USP15: variants seen among roughly 807,000 people sequenced by gnomAD.
The protein encoded by USP15 is ubiquitin specific peptidase 15, also known as ubiquitin carboxyl-terminal hydrolase 15.
In USP15, 18 loss-of-function variants were observed where a neutral mutation model predicts 127.1. The observed-to-expected ratio is 0.14, with a 90% CI of 0.10 to 0.21. The LOEUF (loss-of-function observed/expected upper bound fraction) is 0.21, where lower values mean the gene tolerates loss of function less well. USP15 is among the 10% of genes least tolerant of loss of function. The pLI is 1.00. For missense variants in USP15, 805 were observed against 1,159.9 expected (o/e 0.69, Z 4.44); for synonymous variants, 364 against 393.7 (o/e 0.92, Z 0.89).
chr12:62,358,582 G>C (rs571289324), intron 8 of USP15, among the ~76,000 whole-genome samples: 12 of 152,202 alleles, frequency 7.9e-5, no homozygotes, highest in Admixed American at 2.6e-4. Context: ...CGGGCATGAT[G>C]GTGGACACCT....
rs557501075 is a variant in USP15, at chr12:62,364,959, G to A, written c.915+9484G>A. Among the ~76,000 whole-genome samples the A allele has an allele frequency of 5.3e-5, 8 of 152,248 alleles. No homozygotes were observed. In the South Asian group the frequency reaches 1.7e-3, roughly 32 times the overall value. On this transcript the variant is annotated intron_variant, in intron 8 of 21. Coordinates refer to ENST00000280377, the MANE Select transcript of USP15 (RefSeq NM_001252078.2). ...ACTTTTTTTTATGCAGTCTGTCATT[G>A]ATGGACATTTGGGTTGGTTCCAAGA...
chr12:62,380,877 A>G (rs939453504), intron 8 of USP15, among the ~76,000 whole-genome samples: 1 of 152,066 alleles, frequency 6.6e-6, no homozygotes, highest in African/African-American at 2.4e-5. Flanking sequence ...TTATTTTGCC[A>G]TAAAGGAAAA....
chr12:62,329,870 A>G (rs954155928), intron 6 of USP15, among the ~76,000 whole-genome samples: 4 of 152,192 alleles, frequency 2.6e-5, no homozygotes, highest in African/African-American at 7.2e-5. Flanking sequence ...ACCAGTCAAT[A>G]ATTAAATCAG....
intron 1 of USP15, among the ~76,000 whole-genome samples, chr12:62,275,948 G>T (rs1454301692): frequency 6.6e-6 from 1 of 151,910 alleles, no homozygotes; most frequent in African/African-American, 2.4e-5. Flanking sequence ...TGGACATGGT[G>T]GAAGATTACA....
rs139285276 is a variant in USP15, at chr12:62,284,098, T to C, written c.90-10081T>C. On this transcript the variant is annotated intron_variant, in intron 1 of 21. Coordinates refer to ENST00000280377, the MANE Select transcript of USP15 (RefSeq NM_001252078.2). ...ATTTTTATTGGAAAAACATATAAAA[T>C]TTATTGAAAGACATTAACCTGAATA... Among the ~76,000 whole-genome samples, 570 of 152,306 alleles carry C rather than the reference T, an allele frequency of 3.7e-3. 5 individuals carry two copies. The highest frequency in any genetic ancestry group is 0.013 in the African/African-American group (536 of 41,574).
chr12:62,397,808 G>T (rs2137651314), intron 20 of USP15, among the ~76,000 whole-genome samples: 1 of 148,332 alleles, frequency 6.7e-6, no homozygotes, highest in South Asian at 2.1e-4. Context: ...AGAGAGCCCA[G>T]ATCACACCAC....
intron 1 of USP15, among the ~76,000 whole-genome samples, chr12:62,275,036 G>A (rs936960114): frequency 1.3e-5 from 2 of 152,098 alleles, no homozygotes; most frequent in Admixed American, 1.3e-4. Flanking sequence ...TATTCTGGAG[G>A]TGCTTGGTTA....
intron 1 of USP15, among the ~76,000 whole-genome samples, chr12:62,261,157 C>G (rs1462098128): frequency 6.6e-6 from 1 of 152,102 alleles, no homozygotes; most frequent in African/African-American, 2.4e-5. Flanking sequence ...AAGCCGGCAG[C>G]GTTTCTGTTA....
At chr12:62,341,804 C>G (rs1380833549) in intron 6 of USP15, among the ~76,000 whole-genome samples, 1 of 152,144 alleles carries the variant, frequency 6.6e-6, no homozygotes, top group Non-Finnish European at 1.5e-5. Context: ...CTCTGGCTGC[C>G]CTTAACGTTG....
chr12:62,349,170 T>A, intron 6 of USP15, 51 bp from the exon 7 acceptor site: 1 of 1,112,622 alleles, frequency 9.0e-7, no homozygotes, highest in Non-Finnish European at 1.2e-6. Context: ...CATAATTAAT[T>A]TAAAAATTCT....
At chr12:62,337,873 G>C (rs2065521126) in intron 6 of USP15, among the ~76,000 whole-genome samples, 1 of 152,128 alleles carries the variant, frequency 6.6e-6, no homozygotes, top group South Asian at 2.1e-4. Flanking sequence ...TCTTTATCCA[G>C]TCTATCAGGA....
intron 7 of USP15, among the ~76,000 whole-genome samples, chr12:62,352,607 C>G (rs935848152): frequency 2.0e-5 from 3 of 151,734 alleles, no homozygotes; most frequent in African/African-American, 7.3e-5. Flanking sequence ...AAAATGACTC[C>G]CTGTATGAGA....
rs1031424764 is a variant in USP15 at position 62,314,724 on chromosome 12, G to A, written c.349-66G>A. 1.1e-5 allele frequency: 15 copies of A among 1,338,150 alleles called. No individual in the cohort carries two copies. In the African/African-American group the frequency reaches 1.8e-4, roughly 16 times the overall value. The allele number at this position is 1,338,150 out of a possible 1,614,324, so 82.9% of individuals were successfully genotyped here. A position where few individuals can be genotyped will look rare whatever the true frequency, so the allele number is the denominator to read the frequency against. ...GCAGTTTTCTAAAGTCTCTTTAAAT[G>A]TATTGTTATTAGAGTGAAATATATT... is the stretch of plus-strand genomic sequence containing the variant. On this transcript the variant is annotated intron_variant, in intron 3 of 21. Coordinates refer to ENST00000280377, the MANE Select transcript of USP15 (RefSeq NM_001252078.2).
At chr12:62,292,838 A>T (rs1294226457) in intron 1 of USP15, among the ~76,000 whole-genome samples, 1 of 151,972 alleles carries the variant, frequency 6.6e-6, no homozygotes, top group Non-Finnish European at 1.5e-5. Flanking sequence ...TCCTTGTGGG[A>T]TAGATTATTG....
intron 6 of USP15, among the ~76,000 whole-genome samples, chr12:62,343,058 G>A (rs2065695499): frequency 1.3e-5 from 2 of 152,200 alleles, no homozygotes; most frequent in Non-Finnish European, 2.9e-5. Context: ...GGAGATGAGA[G>A]TTTCATCTGT....
At chr12:62,390,788 A>T in intron 14 of USP15, 76 bp from the exon 15 acceptor site, 1 of 1,052,498 alleles carries the variant, frequency 9.5e-7, no homozygotes, top group African/African-American at 1.6e-5. Flanking sequence ...GTTTTGTTTT[A>T]CTGATAGAAG....
At chr12:62,400,352 C>T (rs781659319) in intron 20 of USP15, among the ~76,000 whole-genome samples, 5 of 152,052 alleles carry the variant, frequency 3.3e-5, no homozygotes, top group African/African-American at 4.8e-5. Flanking sequence ...TTGCATATAA[C>T]CTAACCACAT....
At chr12:62,324,099 C>T (rs1055614454) in intron 5 of USP15, among the ~76,000 whole-genome samples, 13 of 151,552 alleles carry the variant, frequency 8.6e-5, no homozygotes, top group African/African-American at 2.7e-4. Context: ...TGAAGCATTT[C>T]TTCTCTCCTT....
intron 17 of USP15, 70 bp downstream of exon 17, chr12:62,391,956 A>G: frequency 7.1e-7 from 1 of 1,401,782 alleles, no homozygotes. Flanking sequence ...AGATAATCAT[A>G]CTGTTGTGTT....
Sources: allele counts gnomAD v4.1 joint callset (sites outside exome capture counted in the v4.1 genomes callset), GRCh38; gene constraint gnomAD v4.1.1; transcripts MANE v1.5; gene names NCBI Gene and HGNC (gene_info 2026-07-23, HGNC 2026-07-21).